Variants in SLC5A9 observed in about 807,000 individuals in gnomAD.
The protein encoded by SLC5A9 is sodium/glucose cotransporter 4.
A neutral mutation model predicts 70.9 loss-of-function variants in SLC5A9; 59 were observed. The ratio of observed to expected loss-of-function variants is 0.83; its 90% CI spans 0.68 to 1.03. The LOEUF (loss-of-function observed/expected upper bound fraction) is 1.03, where lower values mean the gene tolerates loss of function less well. Among genes scored for constraint, SLC5A9 ranks in the 50% least tolerant of loss-of-function variants. SLC5A9 has a pLI of 0.00. For missense variants in SLC5A9, 832 were observed against 881.1 expected (o/e 0.94, Z 0.71); for synonymous variants, 340 against 346.5 (o/e 0.98, Z 0.21).
chr1:48,224,011 T>C (rs1644107950), intron 1 of SLC5A9, among the ~76,000 whole-genome samples: 1 of 152,232 alleles, frequency 6.6e-6, no homozygotes, highest in Non-Finnish European at 1.5e-5. Context: ...CACTCCCTCG[T>C]GACTGATTAT....
chr1:48,226,599 TTGTC>T (rs993177833), intron 2 of SLC5A9, among the ~76,000 whole-genome samples: 2 of 152,084 alleles, frequency 1.3e-5, no homozygotes, highest in African/African-American at 4.8e-5. Context: ...GCTGGAGTGT[TTGTC>T]TGGGCATCTG....
At chr1:48,230,136 C>G (rs778696006) in intron 4 of SLC5A9, among the ~76,000 whole-genome samples, 2 of 152,222 alleles carry the variant, frequency 1.3e-5, no homozygotes, top group Admixed American at 6.5e-5. Context: ...GTAGATGACC[C>G]AGACCCATGC....
rs531789413 is a variant in SLC5A9 at position 48,230,900 on chromosome 1, T to C, written c.610+195T>C. The stretch of plus-strand genomic sequence containing the variant: ...AAGAGAAGAACACAGGGGAACAGAA[T>C]GACAGACACAGGGACAGAGACCAGG... On this transcript the variant is annotated intron_variant, in intron 5 of 13. Coordinates refer to ENST00000438567, the MANE Select transcript of SLC5A9 (RefSeq NM_001011547.3). Among the ~76,000 whole-genome samples, 4 of 151,714 alleles carry C rather than the reference T, an allele frequency of 2.6e-5. No individual in the cohort carries two copies. In the South Asian group the frequency reaches 8.3e-4, roughly 32 times the overall value.
At position 48,247,351 on chromosome 1, in the gene SLC5A9, G is replaced by C; in HGVS notation, c.1854G>C (p.Trp618Cys). ...TCCCTCCAGCCCCAAGCAGGTCCTG[G>C]GGAAAGTTGCTCTGGAGCTGGTTCT... is the stretch of plus-strand genomic sequence containing the variant. ...QEQPEAPSRS[W>C]GKLLWSWFCG... The change falls in exon 14 of 14, where the codon TGG becomes TGC. Residue 618 changes from tryptophan (W) to cysteine (C), a missense_variant. Trp to Cys is a radical substitution (Grantham distance 215). Transcript: ENST00000438567. The C allele has an allele frequency of 6.2e-7, 1 of 1,613,988 alleles. No homozygotes were observed. The highest frequency in any genetic ancestry group is 1.1e-5 in the South Asian group (1 of 91,078).
At chr1:48,231,183 CAG>C (rs1217817741) in intron 5 of SLC5A9, among the ~76,000 whole-genome samples, 6 of 152,242 alleles carry the variant, frequency 3.9e-5, no homozygotes, top group South Asian at 2.1e-4. Flanking sequence ...GGTCCAGAGA[CAG>C]GGGGGCATTT....
chr1:48,235,810 T>C lies in SLC5A9; in HGVS notation c.1223T>C (p.Leu408Pro). 1 of 1,614,206 alleles carries C rather than the reference T, an allele frequency of 6.2e-7. No homozygotes were observed. ...TCCATCTTCAACAGCAGCAGCACCC[T>C]GTTCACCATTGATGTGTGGCAGCGC... The part of the protein sequence containing the change: ...LTSIFNSSST[L>P]FTIDVWQRFR... The change falls in exon 10 of 14, where the codon CTG becomes CCG. Residue 408 changes from leucine to proline, a missense_variant. Physicochemically the swap from Leu to Pro is moderately conservative, Grantham distance 98. Transcript: ENST00000438567.
Position 48,232,113 on chromosome 1 carries a change from C to G in SLC5A9, c.859C>G (p.Leu287Val). Residue 287 changes from leucine to valine, a missense_variant, in exon 7 of 14, where the codon CTC becomes GTC. Coordinates refer to ENST00000438567, the MANE Select transcript of SLC5A9 (RefSeq NM_001011547.3). ...CCCTTGGCCAGGTCTCATTTTCGGG[C>G]TCACAGTGCTGGCCACCTGGTGTTG... ...DIPWPGLIFG[L>V]TVLATWCWCT... 1 of 1,614,090 alleles carries G rather than the reference C, an allele frequency of 6.2e-7. No homozygotes were observed. Among genetic ancestry groups the G allele is most frequent in the Non-Finnish European group, 8.5e-7 (1 of 1,179,970 alleles).
At chr1:48,237,157 G>A (rs1319848118) in intron 10 of SLC5A9, among the ~76,000 whole-genome samples, 1 of 152,060 alleles carries the variant, frequency 6.6e-6, no homozygotes, top group Non-Finnish European at 1.5e-5. Flanking sequence ...TTAGGTCTGA[G>A]CCACAGTTTG....
At chr1:48,241,726 CTT>C (rs35278010) in intron 12 of SLC5A9, among the ~76,000 whole-genome samples, 14 of 148,844 alleles carry the variant, frequency 9.4e-5, no homozygotes, top group African/African-American at 2.9e-4. Context: ...CTCTCTCTCT[CTT>C]TCTCTATCTC....
intron 11 of SLC5A9, among the ~76,000 whole-genome samples, chr1:48,238,089 G>C (rs1489360195): frequency 6.6e-6 from 1 of 152,224 alleles, no homozygotes; most frequent in East Asian, 1.9e-4. Context: ...TTGGCTGGCA[G>C]AGAGATAACT....
chr1:48,235,479 G>C (rs1644313286), intron 9 of SLC5A9, among the ~76,000 whole-genome samples: 1 of 152,118 alleles, frequency 6.6e-6, no homozygotes, highest in South Asian at 2.1e-4. Flanking sequence ...CTTAGGGTGG[G>C]GGGTGGAGGG....
In SLC5A9 at chr1:48,239,492, C is replaced by CA. The variant is rs1644368496; in HGVS notation, c.1633dup (p.Ile545AsnfsTer13). 6.2e-7 allele frequency: 1 copy of CA among 1,614,210 alleles called. No individual in the cohort carries two copies. The highest frequency in any genetic ancestry group is 1.3e-5 in the African/African-American group (1 of 75,052). The stretch of plus-strand genomic sequence containing the variant: ...TCCTCTGCGGGCTCACTGCCATCGT[C>CA]ATTGTCATTGTCAGCCTCTGTACAA... On this transcript the variant is annotated frameshift_variant, in exon 12 of 14. Coordinates refer to ENST00000438567, the MANE Select transcript of SLC5A9 (RefSeq NM_001011547.3). LOFTEE classifies it high-confidence loss of function. The surrounding 1 kb of genome is among the most constrained non-coding windows in gnomAD (Gnocchi z 4.2).
At chr1:48,247,033 A>G (rs1644467202) in intron 13 of SLC5A9, among the ~76,000 whole-genome samples, 1 of 152,186 alleles carries the variant, frequency 6.6e-6, no homozygotes, top group African/African-American at 2.4e-5. Context: ...GAATTGCATT[A>G]TCCTGCCACC....
chr1:48,236,963 CAT>C (rs921393141), intron 10 of SLC5A9, among the ~76,000 whole-genome samples: 12 of 152,148 alleles, frequency 7.9e-5, no homozygotes, highest in African/African-American at 1.7e-4. Context: ...TATGCAGTGA[CAT>C]GTCAAAAGAA....
At position 48,233,759 on chromosome 1, in the gene SLC5A9, G is replaced by A. The variant is rs1014091685; in HGVS notation, c.1138G>A (p.Val380Ile). Residue 380 changes from valine to isoleucine, a missense_variant, in exon 9 of 14, where the codon GTT becomes ATT. Physicochemically the swap from Val to Ile is conservative, Grantham distance 29. Transcript: ENST00000438567. ...TAAGTTGGTCATGGCCCTCATGCCT[G>A]TTGGTGAGTCTCTTCTCCCCACCCC... ...YPKLVMALMP[V>I]GLRGLMIAVI... 8 of 1,611,076 alleles carry A rather than the reference G, an allele frequency of 5.0e-6. No individual in the cohort carries two copies. Among genetic ancestry groups the A allele is most frequent in the Non-Finnish European group, 6.8e-6 (8 of 1,177,584 alleles).
chr1:48,242,026 C>G (rs1000925011), intron 12 of SLC5A9: 1 of 457,108 alleles, frequency 2.2e-6, no homozygotes, highest in Non-Finnish European at 4.4e-6. Context: ...CTTTGAAGAT[C>G]CTGGCACTTA....
intron 2 of SLC5A9, chr1:48,228,134 T>C (rs1236567818): frequency 6.6e-6 from 1 of 152,228 alleles, no homozygotes; most frequent in African/African-American, 2.4e-5. Flanking sequence ...AGCCAGGGAT[T>C]GAATTCTCAT....
intron 2 of SLC5A9, chr1:48,228,095 CCA>C (rs1644191034): frequency 6.6e-6 from 1 of 152,158 alleles, no homozygotes; most frequent in East Asian, 1.9e-4. Context: ...GTGGCAAGCA[CCA>C]TTTGTGTAGT....
intron 13 of SLC5A9, 130 bp from the exon 14 acceptor site, chr1:48,247,205 C>T (rs1458776693): frequency 7.4e-6 from 6 of 815,484 alleles, no homozygotes; most frequent in Non-Finnish European, 7.9e-6. Context: ...AGTTTCTGTG[C>T]ACCCCCCATA....
Sources: gnomAD v4.1 joint callset for allele counts (sites outside exome capture counted in the v4.1 genomes callset) on GRCh38, gnomAD v4.1.1 for gene constraint, Gnocchi (gnomAD v3.1) non-coding constraint, MANE v1.5 for transcripts, NCBI Gene and HGNC (gene_info 2026-07-23, HGNC 2026-07-21) for gene names.